Variants in CD109 observed in about 807,000 individuals in gnomAD.
CD109 encodes CD109 molecule, also known as CD109 antigen.
CD109 carries 149 observed loss-of-function variants against 165.8 expected under a neutral mutation model. The observed-to-expected ratio is 0.90, with a 90% confidence interval of 0.79 to 1.03. CD109 has a LOEUF of 1.03. Ranked by LOEUF, CD109 falls within the 50% of genes least tolerant of loss-of-function variation. The pLI is 0.00. For synonymous variants in CD109, 585 were observed against 592.1 expected (o/e 0.99, Z 0.18); for missense variants, 1,712 against 1,677.8 (o/e 1.02, Z -0.36).
intron 5 of CD109, among the ~76,000 whole-genome samples, chr6:73,752,790 CT>C (rs898979423): frequency 4.6e-5 from 7 of 152,224 alleles, no homozygotes; most frequent in African/African-American, 1.7e-4. Flanking sequence ...AGGTTAGGGT[CT>C]TTTTTCCAGT....
chr6:73,702,692 T>A (rs1771126879), intron 2 of CD109, among the ~76,000 whole-genome samples: 1 of 152,194 alleles, frequency 6.6e-6, no homozygotes, highest in Admixed American at 6.5e-5. Flanking sequence ...TTAGTGGTTG[T>A]GTGGCTGTGG....
intron 32 of CD109, among the ~76,000 whole-genome samples, chr6:73,822,876 ACT>A (rs1776146872): frequency 6.6e-6 from 1 of 152,054 alleles, no homozygotes; most frequent in Non-Finnish European, 1.5e-5. Flanking sequence ...AAATTATAAA[ACT>A]CATTTATGTT....
intron 4 of CD109, among the ~76,000 whole-genome samples, chr6:73,733,025 C>G (rs1244668288): frequency 1.3e-5 from 2 of 152,132 alleles, no homozygotes; most frequent in Non-Finnish European, 2.9e-5. Flanking sequence ...AAGTGATGCT[C>G]AAATGTGGAC....
chr6:73,799,178 A>G (rs1775276678), intron 23 of CD109, among the ~76,000 whole-genome samples: 1 of 152,142 alleles, frequency 6.6e-6, no homozygotes, highest in African/African-American at 2.4e-5. Context: ...GAGATAATAT[A>G]CTGCATTTTT....
chr6:73,742,403 G>A (rs1415325681), intron 5 of CD109, among the ~76,000 whole-genome samples: 1 of 152,188 alleles, frequency 6.6e-6, no homozygotes, highest in Non-Finnish European at 1.5e-5. Context: ...GGTTGCGAAT[G>A]TTTTTGCATC....
intron 10 of CD109, among the ~76,000 whole-genome samples, chr6:73,764,830 A>C (rs969771926): frequency 1.3e-5 from 2 of 151,862 alleles, no homozygotes; most frequent in African/African-American, 2.4e-5. Context: ...AAAAAAAAAA[A>C]AAACAACTAA....
At chr6:73,768,463 A>T (rs1307065848) in intron 14 of CD109, among the ~76,000 whole-genome samples, 1 of 152,136 alleles carries the variant, frequency 6.6e-6, no homozygotes, top group Non-Finnish European at 1.5e-5. Flanking sequence ...GGTCTTTAAG[A>T]CTTTAACTCA....
intron 15 of CD109, among the ~76,000 whole-genome samples, chr6:73,776,553 CTTTTTTTTTTTTT>C (rs34703329): frequency 2.7e-5 from 2 of 73,078 alleles, no homozygotes; most frequent in African/African-American, 1.2e-4. Flanking sequence ...CGCAAGTGGC[CTTTTTTTTTTTTT>C]TTTTTTTTTT....
At chr6:73,777,544 G>T (rs1284807282) in intron 15 of CD109, among the ~76,000 whole-genome samples, 2 of 151,970 alleles carry the variant, frequency 1.3e-5, no homozygotes, top group Non-Finnish European at 2.9e-5. Flanking sequence ...TTATAGTTTT[G>T]GGTTTTACAT....
chr6:73,680,629 G>A, the CD109 span, among the ~76,000 whole-genome samples: 1 of 152,186 alleles, frequency 6.6e-6, no homozygotes, highest in Non-Finnish European at 1.5e-5. Context: ...CTCCTGCAGG[G>A]GAAAGGTCCA....
In CD109 at chr6:73,792,706, A is replaced by C; in HGVS notation, c.2782A>C (p.Asn928His). ...PYGCGEQNMINFAPNIYILDY... is the reference protein window; with the variant it reads ...PYGCGEQNMIHFAPNIYILDY... Reference sequence around the variant, plus strand: ...TGGCTGTGGTGAACAGAACATGATAAATTTTGCTCCAAATATTTACATTTT... The same window carrying C: ...TGGCTGTGGTGAACAGAACATGATACATTTTGCTCCAAATATTTACATTTT... The change falls in exon 23 of 33, where the codon AAT (asparagine) becomes CAT (histidine). Residue 928 changes from asparagine (N) to histidine (H), a missense_variant. Transcript: ENST00000287097. The C allele has an allele frequency of 6.2e-7, 1 of 1,613,226 alleles. No homozygotes were observed. The highest frequency in any genetic ancestry group is 8.5e-7 in the Non-Finnish European group (1 of 1,179,878).
intron 13 of CD109, 139 bp downstream of exon 13, chr6:73,767,149 C>T (rs894805499): frequency 7.2e-5 from 50 of 699,128 alleles, no homozygotes; most frequent in South Asian, 1.4e-4. Context: ...ATTATTTCAT[C>T]ACCCAGGTAT....
At chr6:73,706,672 G>A (rs976774776) in intron 2 of CD109, among the ~76,000 whole-genome samples, 1 of 152,192 alleles carries the variant, frequency 6.6e-6, no homozygotes, top group Non-Finnish European at 1.5e-5. Flanking sequence ...AGATTTGGTG[G>A]AGGGGGTAGC....
In CD109 at chr6:73,808,267, T is replaced by A. The variant is rs750604466; in HGVS notation, c.3355+19T>A. ...CAAGAAGGTAATGTGCTGGGCCCAC[T>A]TGAGGTTGTTATGCTTTATGAAATA... On this transcript the variant is annotated intron_variant, in intron 26 of 32. Coordinates refer to ENST00000287097, the MANE Select transcript of CD109 (RefSeq NM_133493.5). 4.4e-6 allele frequency: 7 copies of A among 1,594,178 alleles called. No homozygotes were observed.
At chr6:73,723,741 G>A (rs931863232) in intron 3 of CD109, among the ~76,000 whole-genome samples, 2 of 152,170 alleles carry the variant, frequency 1.3e-5, no homozygotes, top group African/African-American at 4.8e-5. Context: ...GGGCCTACTG[G>A]AGGGTAGAGG....
At chr6:73,701,866 A>G (rs1045891788) in intron 2 of CD109, among the ~76,000 whole-genome samples, 10 of 152,270 alleles carry the variant, frequency 6.6e-5, no homozygotes, top group African/African-American at 2.2e-4. Flanking sequence ...GGATTGCTTG[A>G]GCCCAGGAGT....
chr6:73,710,816 G>A (rs1771505948), intron 2 of CD109, among the ~76,000 whole-genome samples: 2 of 152,276 alleles, frequency 1.3e-5, no homozygotes, highest in South Asian at 4.1e-4. Context: ...TGTTAAGCAT[G>A]TAGGTTTTGC....
chr6:73,816,249 C>G (rs956848453), intron 30 of CD109, among the ~76,000 whole-genome samples: 2 of 152,112 alleles, frequency 1.3e-5, no homozygotes, highest in Non-Finnish European at 1.5e-5. Context: ...TCCTTTTCAG[C>G]TGAGAAAAAA....
intron 25 of CD109, among the ~76,000 whole-genome samples, chr6:73,807,704 T>C (rs1775617940): frequency 6.6e-6 from 1 of 152,160 alleles, no homozygotes; most frequent in Admixed American, 6.6e-5. Context: ...CTAGTAGGCA[T>C]GTAGAAGCTA....
Sources: gnomAD v4.1 joint callset for allele counts (sites outside exome capture counted in the v4.1 genomes callset) on GRCh38, gnomAD v4.1.1 for gene constraint, MANE v1.5 for transcripts, NCBI Gene and HGNC (gene_info 2026-07-23, HGNC 2026-07-21) for gene names.